Variants in NID2 observed in about 807,000 individuals in gnomAD.
NID2 encodes the protein nidogen-2.
In NID2, 83 loss-of-function variants were observed where a neutral mutation model predicts 145.4. The ratio of observed to expected loss-of-function variants is 0.57; its 90% CI spans 0.48 to 0.69. The LOEUF is 0.69. Ranked by LOEUF, NID2 falls within the 30% of genes least tolerant of loss-of-function variation. The pLI is 0.00. For missense variants in NID2, 1,807 were observed against 1,765.7 expected, an observed-to-expected ratio of 1.02 and a Z score of -0.42; for synonymous variants, 739 against 701.3, an observed-to-expected ratio of 1.05 and a Z score of -0.85.
chr14:52,048,032 A>G (rs981813658), intron 5 of NID2, among the ~76,000 whole-genome samples: 2 of 152,176 alleles, frequency 1.3e-5, no homozygotes, highest in South Asian at 2.1e-4. Flanking sequence ...TCTCACACCA[A>G]TTGGTGTTGA....
chr14:52,055,995 TGTG>T lies in NID2; in HGVS notation c.768-1677_768-1675del, dbSNP rs531044926. Among the ~76,000 whole-genome samples, 94 of 152,064 alleles carry T rather than the reference TGTG, an allele frequency of 6.2e-4. No individual in the cohort carries two copies. The South Asian group carries it at 0.014, about 22-fold the overall frequency. Reference sequence around the variant, plus strand: ...TATATGTATATGCTGTGGTTACTGTTGTGGTAAATTTAGGGAAAAAAGCATAGA... The same window carrying T: ...TATATGTATATGCTGTGGTTACTGTTGTAAATTTAGGGAAAAAAGCATAGA... On this transcript the variant is annotated intron_variant, in intron 3 of 21. Transcript: ENST00000216286.
intron 12 of NID2, among the ~76,000 whole-genome samples, chr14:52,022,634 G>A (rs987139928): frequency 2.0e-5 from 3 of 152,192 alleles, no homozygotes; most frequent in Non-Finnish European, 4.4e-5. Flanking sequence ...TATCACTCAG[G>A]TAATGAGAGG....
chr14:52,051,091 G>A (rs1034773181), intron 5 of NID2, among the ~76,000 whole-genome samples: 10 of 152,220 alleles, frequency 6.6e-5, no homozygotes, highest in African/African-American at 2.4e-4. Flanking sequence ...GGAAGACAGA[G>A]CTCGAGTGTG....
chr14:52,047,721 G>A (rs576832752), intron 5 of NID2, among the ~76,000 whole-genome samples: 1 of 152,254 alleles, frequency 6.6e-6, no homozygotes, highest in South Asian at 2.1e-4. Flanking sequence ...GGGTGGAGCT[G>A]CCAGTTACTG....
chr14:52,011,700 A>G lies in NID2; in HGVS notation c.3421-17T>C, dbSNP rs1891036536. The G allele has an allele frequency of 3.7e-6, 6 of 1,613,758 alleles. No homozygotes were observed. The highest frequency in any genetic ancestry group is 5.1e-6 in the Non-Finnish European group (6 of 1,179,902). ...TATGGAGCCCTTTGTGCATCAAATC[A>G]TAGAATTAGAAGAATTAGGTTACAT... On this transcript the variant is annotated splice_polypyrimidine_tract_variant and intron_variant, in intron 16 of 21. Transcript: ENST00000216286.
chr14:52,010,955 G>T lies in NID2; in HGVS notation c.3643C>A (p.Leu1215Met). 1 of 1,614,110 alleles carries T rather than the reference G, an allele frequency of 6.2e-7. No individual in the cohort carries two copies. The change falls in exon 18 of 22, where the codon CTG (leucine) becomes ATG (methionine). Residue 1215 changes from leucine (L) to methionine (M), a missense_variant. Leu to Met is a conservative substitution (Grantham distance 15). Transcript: ENST00000216286. ...SVLDKIESALLDGSERKVLFY... is the reference protein window; with the variant it reads ...SVLDKIESALMDGSERKVLFY... ...AGGACCTTGCGCTCAGAGCCATCCA[G>T]CAGGGCGCTCTCTATCTTATCCAGG... is the stretch of plus-strand genomic sequence containing the variant.
chr14:52,058,605 GA>G (rs1222925044), intron 3 of NID2, among the ~76,000 whole-genome samples: 1 of 152,158 alleles, frequency 6.6e-6, no homozygotes, highest in Non-Finnish European at 1.5e-5. Context: ...TTAGTTCCAA[GA>G]GACCTTTATG....
In NID2 at chr14:52,019,243, G is replaced by GC; in HGVS notation, c.2845dup (p.Ala949GlyfsTer39). On this transcript the variant is annotated frameshift_variant, in exon 14 of 22. Transcript: ENST00000216286. LOFTEE classifies it high-confidence loss of function. ...CCGGGCCCCAGGGTAGGCATACTGG[G>GC]CCTGGGCATGGCGCTGCTGTTGTTC... The GC allele has an allele frequency of 6.2e-7, 1 of 1,610,248 alleles. No individual in the cohort carries two copies. Among genetic ancestry groups the GC allele is most frequent in the Non-Finnish European group, 8.5e-7 (1 of 1,176,728 alleles).
intron 5 of NID2, among the ~76,000 whole-genome samples, chr14:52,046,699 G>A (rs1892508996): frequency 1.3e-5 from 2 of 152,200 alleles, no homozygotes; most frequent in South Asian, 4.1e-4. Context: ...ACAATGAGCA[G>A]GCTCCCATGA....
chr14:52,045,446 G>A (rs983575763), intron 5 of NID2, among the ~76,000 whole-genome samples: 14 of 151,204 alleles, frequency 9.3e-5, no homozygotes, highest in South Asian at 4.2e-4. Flanking sequence ...ACTTGGCTAA[G>A]AAATTCCAGT....
Position 52,005,815 on chromosome 14 carries a change from G to A in NID2, c.4039C>T (p.Gln1347Ter). Reference protein sequence around the residue: ...GVVSVNKHSGQFTDEYLPEQR... With the variant: ...GVVSVNKHSG ...TCTGGGAGATACTCATCAGTAAACTGGCCACTATGTTTATTTACTGATACA... is the reference window on the plus strand; with the variant it reads ...TCTGGGAGATACTCATCAGTAAACTAGCCACTATGTTTATTTACTGATACA... Residue 1347 changes from glutamine to a stop codon, truncating the protein, a stop_gained, in exon 21 of 22, where the codon CAG (glutamine) becomes TAG (stop). Coordinates refer to ENST00000216286, the MANE Select transcript of NID2 (RefSeq NM_007361.4). LOFTEE classifies it high-confidence loss of function. 6.2e-7 allele frequency: 1 copy of A among 1,613,552 alleles called. No individual in the cohort carries two copies. The highest frequency in any genetic ancestry group is 1.1e-5 in the South Asian group (1 of 91,068).
rs761668313 is a variant in NID2 at position 52,053,697 on chromosome 14, TG to T, written c.1310del (p.Pro437GlnfsTer22). 6.2e-7 allele frequency: 1 copy of T among 1,614,228 alleles called. No individual in the cohort carries two copies. Among genetic ancestry groups the T allele is most frequent in the Non-Finnish European group, 8.5e-7 (1 of 1,180,040 alleles). On this transcript the variant is annotated frameshift_variant, in exon 5 of 22. Coordinates refer to ENST00000216286, the MANE Select transcript of NID2 (RefSeq NM_007361.4). LOFTEE classifies it high-confidence loss of function. ...GPVPSEMDVP[P>X]AHPEEEIVLR... ...GAACAATTTCTTCTTCAGGATGAGC[TG>T]GGGGAACATCCATTTCCGAAGGCAC... is the stretch of plus-strand genomic sequence containing the variant.
At chr14:52,034,546 C>G (rs1271801197) in intron 9 of NID2, among the ~76,000 whole-genome samples, 2 of 152,340 alleles carry the variant, frequency 1.3e-5, no homozygotes, top group Non-Finnish European at 2.9e-5. Context: ...ACATTCCCAA[C>G]CAAGTTTCTT....
chr14:52,011,465 A>G (rs1171072784), intron 17 of NID2, 89 bp downstream of exon 17: 4 of 1,541,482 alleles, frequency 2.6e-6, no homozygotes, highest in East Asian at 2.3e-5. Flanking sequence ...CCCCTAATGG[A>G]GAAAAATCGA....
At chr14:52,026,907 T>C (rs1891604786) in intron 12 of NID2, among the ~76,000 whole-genome samples, 1 of 152,214 alleles carries the variant, frequency 6.6e-6, no homozygotes, top group Non-Finnish European at 1.5e-5. Context: ...TATGCAACTT[T>C]CCCTAAATTC....
In NID2 at chr14:52,030,613, A is replaced by G; in HGVS notation, c.2258-923T>C. ...AAGAAAGAAAGAAAGAAAGAGAAAG[A>G]AAAAGAAAGAAAGAGAAAGAAAGAG... On this transcript the variant is annotated intron_variant, in intron 9 of 21. Transcript: ENST00000216286. 1.5e-5 allele frequency among the ~76,000 whole-genome samples: 2 copies of G among 133,866 alleles called. 1 individual carries two copies. Among genetic ancestry groups the G allele is most frequent in the Non-Finnish European group, 3.2e-5 (2 of 62,826 alleles). 87.8% of individuals were successfully genotyped at this position (133,866 alleles called of 152,430 possible). A position where few individuals can be genotyped will look rare whatever the true frequency, so the allele number is the denominator to read the frequency against.
chr14:52,042,587 T>C, intron 6 of NID2, among the ~76,000 whole-genome samples, 195 bp downstream of exon 6: 1 of 152,236 alleles, frequency 6.6e-6, no homozygotes, highest in East Asian at 1.9e-4. Flanking sequence ...AGGAAGCATT[T>C]CTGGATAATC....
chr14:52,007,767 T>A (rs368501566), intron 19 of NID2, 43 bp downstream of exon 19: 4 of 1,530,056 alleles, frequency 2.6e-6, no homozygotes, highest in South Asian at 1.2e-5. Flanking sequence ...TCACATTCAC[T>A]GTGATGAGAG....
chr14:52,044,819 C>T (rs1342887389), intron 5 of NID2, among the ~76,000 whole-genome samples: 2 of 151,876 alleles, frequency 1.3e-5, no homozygotes, highest in Admixed American at 6.6e-5. Flanking sequence ...GGTCTCCCTG[C>T]GTTGCCCAGG....
Sources: gnomAD v4.1 joint callset for allele counts (sites outside exome capture counted in the v4.1 genomes callset) on GRCh38, gnomAD v4.1.1 for gene constraint, MANE v1.5 for transcripts, NCBI Gene and HGNC (gene_info 2026-07-23, HGNC 2026-07-21) for gene names.